GRM7: variants seen among roughly 807,000 people sequenced by gnomAD.
GRM7 encodes the protein metabotropic glutamate receptor 7.
In GRM7, 35 loss-of-function variants were observed where a neutral mutation model predicts 84.5. The observed-to-expected ratio is 0.41, with a 90% CI of 0.32 to 0.55. The LOEUF is 0.55. Among genes scored for constraint, GRM7 ranks in the 20% least tolerant of loss-of-function variants. The pLI is 0.19. For synonymous variants in GRM7, 487 were observed against 455.1 expected (o/e 1.07, Z -0.89); for missense variants, 1,003 against 1,194.6 (o/e 0.84, Z 2.36).
chr3:7,712,485 C>T (rs73023774), intron 9 of GRM7, among the ~76,000 whole-genome samples: 3 of 151,958 alleles, frequency 2.0e-5, no homozygotes, highest in Non-Finnish European at 4.4e-5. Flanking sequence ...CCTCTCCTCC[C>T]ACCCTCACAT....
At chr3:7,136,768 T>C (rs1306919549) in intron 1 of GRM7, among the ~76,000 whole-genome samples, 1 of 152,122 alleles carries the variant, frequency 6.6e-6, no homozygotes, top group African/African-American at 2.4e-5. Context: ...TCCGTTCCTA[T>C]GCTGTTCCCA....
intron 2 of GRM7, among the ~76,000 whole-genome samples, chr3:7,235,261 C>A (rs959724028): frequency 2.0e-5 from 3 of 152,172 alleles, no homozygotes; most frequent in Non-Finnish European, 4.4e-5. Flanking sequence ...ATGCATTGTG[C>A]CTCTGCAATT....
At position 6,883,477 on chromosome 3, in the gene GRM7, C is replaced by G. The variant is rs140402931; in HGVS notation, c.519+21570C>G. ...CCTTTGCCAGTATGTGAATATAACT[C>G]CTTATTTTATATTATGTTTGGAAAT... On this transcript the variant is annotated intron_variant, in intron 1 of 9. Coordinates refer to ENST00000357716, the MANE Select transcript of GRM7 (RefSeq NM_000844.4). Among the ~76,000 whole-genome samples, 374 of 152,110 alleles carry G rather than the reference C, an allele frequency of 2.5e-3. 1 individual carries two copies. Among genetic ancestry groups the G allele is most frequent in the African/African-American group, 8.4e-3 (348 of 41,518 alleles).
chr3:7,198,845 G>T (rs1015353597), intron 2 of GRM7, among the ~76,000 whole-genome samples: 5 of 152,158 alleles, frequency 3.3e-5, no homozygotes, highest in African/African-American at 1.2e-4. Flanking sequence ...TACATTTAGA[G>T]TGTTACGTTT....
chr3:7,208,642 G>A (rs1696319052), intron 2 of GRM7, among the ~76,000 whole-genome samples: 1 of 152,132 alleles, frequency 6.6e-6, no homozygotes, highest in Non-Finnish European at 1.5e-5. Flanking sequence ...ATTATCACGG[G>A]ACTCTGTTGG....
Position 6,861,930 on chromosome 3 carries a change from G to A in GRM7, c.519+23G>A. 1.3e-6 allele frequency: 2 copies of A among 1,586,486 alleles called. No homozygotes were observed. The highest frequency in any genetic ancestry group is 1.7e-6 in the Non-Finnish European group (2 of 1,162,234). Reference sequence around the variant, plus strand: ...CAGGTAGGGATGCGCTCCCTCCGGGGCGGAGCACACAGTGGCTACCTGCGC... The same window carrying A: ...CAGGTAGGGATGCGCTCCCTCCGGGACGGAGCACACAGTGGCTACCTGCGC... On this transcript the variant is annotated intron_variant, in intron 1 of 9. Coordinates refer to ENST00000357716, the MANE Select transcript of GRM7 (RefSeq NM_000844.4). This position sits in a 1 kb window ranked among gnomAD's most constrained non-coding sequence, Gnocchi z 6.4.
chr3:7,112,146 C>T lies in GRM7; in HGVS notation c.520-34306C>T, dbSNP rs373388235. Among the ~76,000 whole-genome samples, 22 of 152,178 alleles carry T rather than the reference C, an allele frequency of 1.4e-4. No individual in the cohort carries two copies. The East Asian group carries it at 2.3e-3, about 16-fold the overall frequency. On this transcript the variant is annotated intron_variant, in intron 1 of 9. Coordinates refer to ENST00000357716, the MANE Select transcript of GRM7 (RefSeq NM_000844.4). ...ATGCAGTGAATTCATGAATTCCTAG[C>T]AGAAGGGACCTGGTTAGCTATTTTT...
intron 1 of GRM7, among the ~76,000 whole-genome samples, chr3:7,070,529 A>T (rs1292622007): frequency 2.0e-5 from 3 of 152,140 alleles, no homozygotes; most frequent in Non-Finnish European, 4.4e-5. Flanking sequence ...TTCTAATGTG[A>T]GTGCATTAGA....
rs183847840 is a variant in GRM7, at chr3:7,352,317, C to T, written c.1033+45665C>T. Among the ~76,000 whole-genome samples, 128 of 152,170 alleles carry T rather than the reference C, an allele frequency of 8.4e-4. 1 individual carries two copies. The highest frequency in any genetic ancestry group is 2.5e-3 in the African/African-American group (103 of 41,544). ...TTATAAGAAGCAAGGAGTTCAGTGA[C>T]TCTATACATGGCATTTTTAAACATT... On this transcript the variant is annotated intron_variant, in intron 4 of 9. Coordinates refer to ENST00000357716, the MANE Select transcript of GRM7 (RefSeq NM_000844.4).
chr3:7,160,837 T>G (rs1030359333), intron 2 of GRM7, among the ~76,000 whole-genome samples: 2 of 152,082 alleles, frequency 1.3e-5, no homozygotes, highest in Non-Finnish European at 2.9e-5. Context: ...TCATTTCCCT[T>G]GTAATGCTCA....
chr3:7,324,522 A>G (rs978474912), intron 4 of GRM7, among the ~76,000 whole-genome samples: 1 of 152,162 alleles, frequency 6.6e-6, no homozygotes, highest in African/African-American at 2.4e-5. Context: ...TTCAGTGAGT[A>G]TGGATTCCCC....
intron 2 of GRM7, among the ~76,000 whole-genome samples, chr3:7,158,681 A>G (rs1414637891): frequency 6.6e-6 from 1 of 152,148 alleles, no homozygotes; most frequent in South Asian, 2.1e-4. Flanking sequence ...AGCTTATAAT[A>G]CAGTCCCATG....
At chr3:7,537,027 A>G (rs1005771987) in intron 7 of GRM7, among the ~76,000 whole-genome samples, 11 of 152,176 alleles carry the variant, frequency 7.2e-5, no homozygotes, top group African/African-American at 2.7e-4. Flanking sequence ...GGCCAGAGAA[A>G]ATCATCAGGA....
intron 4 of GRM7, among the ~76,000 whole-genome samples, chr3:7,349,615 C>T (rs981610482): frequency 3.3e-5 from 5 of 152,118 alleles, no homozygotes; most frequent in South Asian, 2.1e-4. Flanking sequence ...CATGACTGGG[C>T]GCAGCCCCTG....
chr3:7,311,889 C>A lies in GRM7; in HGVS notation c.1033+5237C>A, dbSNP rs139519606. On this transcript the variant is annotated intron_variant, in intron 4 of 9. Coordinates refer to ENST00000357716, the MANE Select transcript of GRM7 (RefSeq NM_000844.4). ...GGATTACAGGCATAAGCCACTGCAC[C>A]CGGCCTCAACACATTCTTCTTTCAC... is the stretch of plus-strand genomic sequence containing the variant. 2.1e-3 allele frequency among the ~76,000 whole-genome samples: 322 copies of A among 152,260 alleles called. 2 individuals are homozygous for A. The highest frequency in any genetic ancestry group is 0.012 in the East Asian group (62 of 5,164).
intron 8 of GRM7, among the ~76,000 whole-genome samples, chr3:7,601,250 C>T (rs1696298365): frequency 6.6e-6 from 1 of 152,070 alleles, no homozygotes; most frequent in Non-Finnish European, 1.5e-5. Context: ...TTCTGACTTC[C>T]TTTGTAATGC....
chr3:7,596,985 G>A (rs1286639491), intron 8 of GRM7, among the ~76,000 whole-genome samples: 3 of 152,120 alleles, frequency 2.0e-5, no homozygotes, highest in East Asian at 1.9e-4. Context: ...TGATGTGCTC[G>A]TTGTTTGTTT....
intron 9 of GRM7, among the ~76,000 whole-genome samples, chr3:7,720,875 C>G (rs1001564): frequency 0.32 from 48,968 of 152,010 alleles, 8,540 homozygotes; most frequent in East Asian, 0.75. Flanking sequence ...TTACCAAAAC[C>G]ATGATTCAGA....
intron 1 of GRM7, among the ~76,000 whole-genome samples, chr3:7,142,599 G>A (rs960531087): frequency 1.3e-5 from 2 of 152,056 alleles, no homozygotes; most frequent in Admixed American, 1.3e-4. Context: ...GGAAATTACG[G>A]GGATTATGTA....
Sources: allele counts gnomAD v4.1 joint callset (sites outside exome capture counted in the v4.1 genomes callset), GRCh38; gene constraint gnomAD v4.1.1; non-coding constraint Gnocchi (gnomAD v3.1); transcripts MANE v1.5; gene names NCBI Gene and HGNC (gene_info 2026-07-23, HGNC 2026-07-21).